APLF: variants seen among roughly 807,000 people sequenced by gnomAD.
The protein encoded by APLF is aprataxin and PNK-like factor.
A neutral mutation model predicts 55.6 loss-of-function variants in APLF; 61 were observed. The observed-to-expected ratio is 1.10, with a 90% confidence interval of 0.89 to 1.36. APLF has a LOEUF of 1.36. Among genes scored for constraint, APLF ranks in the 40% most tolerant of loss-of-function variants. The pLI, the probability that APLF is intolerant of heterozygous loss-of-function variation, is 0.00. For synonymous variants in APLF, 207 were observed against 214.8 expected (o/e 0.96, Z 0.32); for missense variants, 611 against 602.5 (o/e 1.01, Z -0.15).
At position 68,580,116 on chromosome 2, in the gene APLF, C is replaced by T. The variant is rs777425411; in HGVS notation, c.*2094C>T. On this transcript the variant is annotated 3_prime_UTR_variant, in exon 10 of 10. Transcript: ENST00000303795. ...GCAACTTTCATAATCATCCTGAAGA[C>T]ACTTTTGAGTATAACTATTGTATAA... The T allele has an allele frequency of 2.1e-6, 2 of 942,812 alleles. No individual in the cohort carries two copies. The highest frequency in any genetic ancestry group is 2.5e-6 in the Non-Finnish European group (2 of 791,074). 58.4% of individuals were successfully genotyped at this position (942,812 alleles called of 1,614,324 possible). A position where few individuals can be genotyped will look rare whatever the true frequency, so the allele number is the denominator to read the frequency against.
At chr2:68,538,704 C>T (rs529138683) in intron 7 of APLF, among the ~76,000 whole-genome samples, 2 of 133,824 alleles carry the variant, frequency 1.5e-5, no homozygotes, top group African/African-American at 2.6e-5. Context: ...ATGGGTTGCT[C>T]CTATACTTGC....
At chr2:68,477,981 C>G (rs946847674) in intron 1 of APLF, among the ~76,000 whole-genome samples, 1 of 151,394 alleles carries the variant, frequency 6.6e-6, no homozygotes, top group South Asian at 2.1e-4. Context: ...GGGGACACAG[C>G]CAAACTATAC....
intron 7 of APLF, among the ~76,000 whole-genome samples, chr2:68,543,976 ATTTTCT>A (rs1348578997): frequency 2.9e-5 from 4 of 136,870 alleles, no homozygotes; most frequent in African/African-American, 1.1e-4. Context: ...AGTCAATTGT[ATTTTCT>A]TTTTTTTTTT....
At chr2:68,482,885 C>T (rs1290639276) in intron 1 of APLF, among the ~76,000 whole-genome samples, 2 of 151,996 alleles carry the variant, frequency 1.3e-5, no homozygotes, top group Non-Finnish European at 2.9e-5. Context: ...TGGGGAAGTG[C>T]GTACCAGGGG....
intron 1 of APLF, among the ~76,000 whole-genome samples, chr2:68,482,473 G>T (rs979715918): frequency 8.5e-5 from 13 of 152,126 alleles, no homozygotes; most frequent in African/African-American, 2.4e-4. Flanking sequence ...TGAGCCAGGG[G>T]TATGCATGTA....
chr2:68,500,100 T>C (rs1676676009), intron 2 of APLF, among the ~76,000 whole-genome samples: 1 of 152,230 alleles, frequency 6.6e-6, no homozygotes, highest in Non-Finnish European at 1.5e-5. Context: ...TTTTGTATAC[T>C]TTGTAACTTT....
At chr2:68,519,874 T>C (rs1182035293) in intron 5 of APLF, among the ~76,000 whole-genome samples, 1 of 151,808 alleles carries the variant, frequency 6.6e-6, no homozygotes, top group Non-Finnish European at 1.5e-5. Flanking sequence ...TACTTTTAGT[T>C]GTTTAAGGAA....
intron 9 of APLF, among the ~76,000 whole-genome samples, chr2:68,574,879 C>T (rs1241290513): frequency 6.6e-6 from 1 of 152,126 alleles, no homozygotes; most frequent in East Asian, 1.9e-4. Context: ...TTCTGTAAAA[C>T]TAAAGATGTT....
At chr2:68,554,631 T>G (rs1232487331) in intron 8 of APLF, among the ~76,000 whole-genome samples, 1 of 151,554 alleles carries the variant, frequency 6.6e-6, no homozygotes, top group Non-Finnish European at 1.5e-5. Flanking sequence ...GTTAGGTATA[T>G]TCCTAAGTTT....
chr2:68,518,611 T>TAATATATCATGAATATATAATAATGTC (rs1669748809), intron 5 of APLF, among the ~76,000 whole-genome samples: 1 of 113,268 alleles, frequency 8.8e-6, no homozygotes, highest in African/African-American at 3.8e-5. Context: ...AATATATCAT[T>TAATATATCATGAATATATAATAATGTC]AATATATCAT....
In APLF at chr2:68,502,795, A is replaced by G. The variant is rs559555537; in HGVS notation, c.233A>G (p.Asn78Ser). ...EKSQLLPLKP[N>S]LWCYLNPGDS... ...AGTCAGCTCTTACCATTGAAGCCAA[A>G]TCTATGGTGCTATTTGAATCCTGGA... is the stretch of plus-strand genomic sequence containing the variant. Residue 78 changes from asparagine (N) to serine (S), a missense_variant, in exon 3 of 10, where the codon AAT becomes AGT. Transcript: ENST00000303795. 6.2e-7 allele frequency: 1 copy of G among 1,606,462 alleles called. No homozygotes were observed. The highest frequency in any genetic ancestry group is 8.5e-7 in the Non-Finnish European group (1 of 1,177,614).
intron 5 of APLF, among the ~76,000 whole-genome samples, chr2:68,520,734 C>T (rs1471179448): frequency 2.6e-5 from 4 of 151,936 alleles, no homozygotes; most frequent in African/African-American, 9.7e-5. Flanking sequence ...AGTTTGAAGT[C>T]GGGTAATGTG....
At chr2:68,469,091 G>T (rs77525866) in intron 1 of APLF, among the ~76,000 whole-genome samples, 1 of 151,654 alleles carries the variant, frequency 6.6e-6, no homozygotes, top group Non-Finnish European at 1.5e-5. Context: ...ATATTCAATT[G>T]CTGTTCATTT....
intron 8 of APLF, among the ~76,000 whole-genome samples, chr2:68,566,210 TGAAAA>T (rs1037875931): frequency 6.6e-5 from 10 of 152,192 alleles, no homozygotes; most frequent in African/African-American, 2.2e-4. Context: ...CTTGCCCTAT[TGAAAA>T]GAAAGAAAAT....
chr2:68,527,878 G>A (rs573395681), intron 6 of APLF, among the ~76,000 whole-genome samples: 7 of 149,704 alleles, frequency 4.7e-5, no homozygotes, highest in Admixed American at 6.6e-5. Flanking sequence ...GGGCAGAGGC[G>A]CTTCTCACTT....
intron 1 of APLF, among the ~76,000 whole-genome samples, chr2:68,471,748 G>A (rs1036602218): frequency 7.2e-5 from 11 of 152,060 alleles, no homozygotes; most frequent in African/African-American, 2.7e-4. Flanking sequence ...ATTTTTAAAA[G>A]GTCACATTTT....
In APLF at chr2:68,526,187, A is replaced by G; in HGVS notation, c.749A>G (p.Asp250Gly). ...GSSENTSAEQ[D>G]TGEECKNTDQ... Reference sequence around the variant, plus strand: ...TCAGAAAATACATCAGCAGAACAAGACACAGGAGAAGAGTGCAAAAATACT... The same window carrying G: ...TCAGAAAATACATCAGCAGAACAAGGCACAGGAGAAGAGTGCAAAAATACT... The change falls in exon 6 of 10, where the codon GAC (aspartate) becomes GGC (glycine). Residue 250 changes from aspartate to glycine, a missense_variant. Physicochemically the swap from Asp to Gly is moderately conservative, Grantham distance 94. Coordinates refer to ENST00000303795, the MANE Select transcript of APLF (RefSeq NM_173545.3). The G allele has an allele frequency of 1.2e-6, 2 of 1,614,032 alleles. No individual in the cohort carries two copies. The highest frequency in any genetic ancestry group is 1.7e-6 in the Non-Finnish European group (2 of 1,179,982).
intron 1 of APLF, among the ~76,000 whole-genome samples, chr2:68,486,977 T>G (rs1190905918): frequency 6.6e-6 from 1 of 152,154 alleles, no homozygotes; most frequent in East Asian, 1.9e-4. Flanking sequence ...TTTGAGTCCC[T>G]GGGTTTCTTT....
At chr2:68,533,729 T>C (rs908375120) in intron 6 of APLF, among the ~76,000 whole-genome samples, 1 of 152,172 alleles carries the variant, frequency 6.6e-6, no homozygotes, top group Non-Finnish European at 1.5e-5. Context: ...TAGCCTAGAC[T>C]GAGCATCTTC....
Sources: gnomAD v4.1 joint callset for allele counts (sites outside exome capture counted in the v4.1 genomes callset) on GRCh38, gnomAD v4.1.1 for gene constraint, MANE v1.5 for transcripts, NCBI Gene and HGNC (gene_info 2026-07-23, HGNC 2026-07-21) for gene names.